Variants in ITCH observed in about 807,000 individuals in gnomAD.
The protein encoded by ITCH is E3 ubiquitin-protein ligase Itchy homolog.
ITCH carries 28 observed loss-of-function variants against 126.8 expected under a neutral mutation model. That is an observed-to-expected ratio of 0.22 (90% CI 0.16 to 0.30). ITCH has a LOEUF of 0.30. Among genes scored for constraint, ITCH ranks in the 10% least tolerant of loss-of-function variants. The pLI is 1.00. For synonymous variants in ITCH, 342 were observed against 340.0 expected, an observed-to-expected ratio of 1.01 and a Z score of -0.06; for missense variants, 631 against 1,032.4, an observed-to-expected ratio of 0.61 and a Z score of 5.33.
intron 2 of ITCH, among the ~76,000 whole-genome samples, chr20:34,383,458 C>T (rs1285280730): frequency 2.0e-5 from 3 of 150,348 alleles, no homozygotes; most frequent in Non-Finnish European, 4.4e-5. Context: ...CCTCCGCCTC[C>T]TTGGTTCAAG....
At chr20:34,501,230 C>G (rs1224541264) in intron 23 of ITCH, among the ~76,000 whole-genome samples, 1 of 152,106 alleles carries the variant, frequency 6.6e-6, no homozygotes, top group Non-Finnish European at 1.5e-5. Context: ...AATATATATT[C>G]ATAATATCCC....
chr20:34,441,217 A>G (rs537718689), intron 9 of ITCH, among the ~76,000 whole-genome samples: 94 of 152,242 alleles, frequency 6.2e-4, no homozygotes, highest in Non-Finnish European at 1.2e-3. Flanking sequence ...GGTTGCATTG[A>G]GCCAAGATCT....
intron 15 of ITCH, among the ~76,000 whole-genome samples, chr20:34,471,157 G>T (rs547794986): frequency 6.6e-6 from 1 of 152,184 alleles, no homozygotes; most frequent in Non-Finnish European, 1.5e-5. Context: ...GAAGAATCTG[G>T]ATTAACTGTT....
At chr20:34,497,672 G>A (rs757287811) in intron 23 of ITCH, among the ~76,000 whole-genome samples, 3 of 151,902 alleles carry the variant, frequency 2.0e-5, no homozygotes, top group East Asian at 3.9e-4. Context: ...TCTGCCTCCC[G>A]GGTTCAAGTG....
At chr20:34,407,870 C>T (rs1307705239) in intron 3 of ITCH, among the ~76,000 whole-genome samples, 1 of 152,190 alleles carries the variant, frequency 6.6e-6, no homozygotes, top group Non-Finnish European at 1.5e-5. Flanking sequence ...AGATCCTTTT[C>T]TTTACTGTTA....
intron 20 of ITCH, among the ~76,000 whole-genome samples, chr20:34,481,890 A>G (rs1988780748): frequency 6.6e-6 from 1 of 152,188 alleles, no homozygotes; most frequent in Admixed American, 6.5e-5. Flanking sequence ...ATGTGCCTGT[A>G]ATCCCAGCTA....
intron 2 of ITCH, among the ~76,000 whole-genome samples, chr20:34,370,799 GA>G (rs1028629670): frequency 3.3e-5 from 5 of 151,310 alleles, no homozygotes; most frequent in South Asian, 2.1e-4. Flanking sequence ...TACTGGGTAA[GA>G]AAAAAAAAGT....
chr20:34,476,598 A>T (rs1388020824), intron 16 of ITCH: 1 of 555,966 alleles, frequency 1.8e-6, no homozygotes, highest in Non-Finnish European at 2.5e-6. Flanking sequence ...AAACGTACAT[A>T]TGTCATAAGC....
intron 16 of ITCH, among the ~76,000 whole-genome samples, chr20:34,473,733 A>T (rs537242370): frequency 5.7e-4 from 87 of 152,370 alleles, no homozygotes; most frequent in Admixed American, 2.0e-3. Context: ...TAGACTTCAG[A>T]ATCAAAATTT....
intron 1 of ITCH, among the ~76,000 whole-genome samples, chr20:34,365,778 C>G (rs2037400089): frequency 6.6e-6 from 1 of 152,168 alleles, no homozygotes; most frequent in South Asian, 2.1e-4. Context: ...CAAATTTGAC[C>G]ATTAGAATAA....
At chr20:34,414,530 G>A (rs936525119) in intron 6 of ITCH, among the ~76,000 whole-genome samples, 23 of 138,398 alleles carry the variant, frequency 1.7e-4, no homozygotes, top group African/African-American at 5.7e-4. Flanking sequence ...GCAATGGCAC[G>A]ATTTCGGCTC....
chr20:34,495,589 T>C (rs1989824559), intron 23 of ITCH, among the ~76,000 whole-genome samples: 1 of 152,090 alleles, frequency 6.6e-6, no homozygotes, highest in South Asian at 2.1e-4. Context: ...TCCATGTTCA[T>C]CTATGTTGTC....
At chr20:34,394,786 G>A (rs978832949) in intron 3 of ITCH, among the ~76,000 whole-genome samples, 2 of 152,142 alleles carry the variant, frequency 1.3e-5, no homozygotes, top group African/African-American at 4.8e-5. Context: ...AGGGAGATGG[G>A]GAAGTGTGGA....
chr20:34,477,709 A>G, intron 16 of ITCH, 63 bp from the exon 17 acceptor site: 11 of 1,471,172 alleles, frequency 7.5e-6, no homozygotes, highest in Non-Finnish European at 1.0e-5. Flanking sequence ...TGTCAAACCT[A>G]GAAGTGGTAG....
intron 2 of ITCH, among the ~76,000 whole-genome samples, chr20:34,377,975 T>G (rs1414179393): frequency 6.6e-6 from 1 of 152,172 alleles, no homozygotes; most frequent in African/African-American, 2.4e-5. Context: ...TAGGATGTTA[T>G]TTTCTAAATA....
At chr20:34,427,628 A>G (rs1046678595) in intron 7 of ITCH, among the ~76,000 whole-genome samples, 1 of 152,122 alleles carries the variant, frequency 6.6e-6, no homozygotes, top group Non-Finnish European at 1.5e-5. Flanking sequence ...GAAAAGCAAT[A>G]GGACAGGTTT....
At chr20:34,497,802 T>C (rs1989985547) in intron 23 of ITCH, among the ~76,000 whole-genome samples, 1 of 152,174 alleles carries the variant, frequency 6.6e-6, no homozygotes, top group South Asian at 2.1e-4. Flanking sequence ...GGTCTTGCAC[T>C]CCTGAACTCC....
intron 22 of ITCH, among the ~76,000 whole-genome samples, chr20:34,491,788 A>G (rs553617064): frequency 2.2e-4 from 34 of 152,346 alleles, no homozygotes; most frequent in South Asian, 1.2e-3. Context: ...TCAGAATTGT[A>G]TGAAATAAAA....
chr20:34,411,325 T>G (rs1979004224), intron 4 of ITCH, among the ~76,000 whole-genome samples: 2 of 152,118 alleles, frequency 1.3e-5, no homozygotes, highest in Admixed American at 1.3e-4. Flanking sequence ...CTAATTTTTT[T>G]GTAATTTTAG....
Sources: allele counts gnomAD v4.1 joint callset (sites outside exome capture counted in the v4.1 genomes callset), GRCh38; gene constraint gnomAD v4.1.1; transcripts MANE v1.5; gene names NCBI Gene and HGNC (gene_info 2026-07-23, HGNC 2026-07-21).